The following HERC3 variants were observed in gnomAD, a reference collection of about 807,000 sequenced individuals.
HERC3 encodes the protein HECT and RLD domain containing E3 ubiquitin protein ligase 3, also known as probable E3 ubiquitin-protein ligase HERC3.
Under a neutral mutation model 129.9 loss-of-function variants are expected in HERC3, and 58 were observed. That is an observed-to-expected ratio of 0.45 (90% CI 0.36 to 0.56). The LOEUF (loss-of-function observed/expected upper bound fraction) is 0.56. Among genes scored for constraint, HERC3 ranks in the 20% least tolerant of loss-of-function variants. The probability of loss-of-function intolerance (pLI) is 0.00; values close to 1 mark genes in which losing one functional copy is unlikely to be tolerated. For missense variants in HERC3, 835 were observed against 1,244.2 expected (o/e 0.67, Z 4.95); for synonymous variants, 430 against 451.0 (o/e 0.95, Z 0.59).
At chr4:88,659,410 T>C (rs1730253656) in intron 10 of HERC3, among the ~76,000 whole-genome samples, 1 of 152,264 alleles carries the variant, frequency 6.6e-6, no homozygotes, top group African/African-American at 2.4e-5. Context: ...GTACACAAAG[T>C]ATTTGCCTTC....
At chr4:88,547,662 T>A in the HERC3 span, among the ~76,000 whole-genome samples, 1 of 152,130 alleles carries the variant, frequency 6.6e-6, no homozygotes, top group Non-Finnish European at 1.5e-5. Flanking sequence ...AGTTTTTTGT[T>A]TGTTTGTTTT....
At chr4:88,610,828 C>G (rs1231685961) in intron 3 of HERC3, among the ~76,000 whole-genome samples, 2 of 152,248 alleles carry the variant, frequency 1.3e-5, no homozygotes, top group Middle Eastern at 3.2e-3. Flanking sequence ...AGACATTTCT[C>G]TAGCACAGCC....
chr4:88,674,750 G>A (rs1731980500), intron 16 of HERC3, among the ~76,000 whole-genome samples: 1 of 152,114 alleles, frequency 6.6e-6, no homozygotes, highest in African/African-American at 2.4e-5. Context: ...AGGCATGAGA[G>A]TGAGTAAGAT....
chr4:88,677,406 A>T (rs1205312581), intron 18 of HERC3, among the ~76,000 whole-genome samples: 1 of 152,090 alleles, frequency 6.6e-6, no homozygotes, highest in Non-Finnish European at 1.5e-5. Context: ...ACTTCCTACC[A>T]TTGGTAGATA....
At chr4:88,552,173 T>C in the HERC3 span, among the ~76,000 whole-genome samples, 13 of 151,276 alleles carry the variant, frequency 8.6e-5, no homozygotes, top group Admixed American at 2.6e-4. Flanking sequence ...TTAGGAGATA[T>C]ACCTAAGGCT....
intron 3 of HERC3, among the ~76,000 whole-genome samples, chr4:88,625,416 C>A (rs1725988485): frequency 6.6e-6 from 1 of 152,012 alleles, no homozygotes; most frequent in Admixed American, 6.6e-5. Flanking sequence ...ACACATGTTT[C>A]ATTTTAAATA....
the HERC3 span, among the ~76,000 whole-genome samples, chr4:88,551,986 G>C: frequency 6.6e-6 from 1 of 151,926 alleles, no homozygotes; most frequent in Admixed American, 6.6e-5. Context: ...CCTTTGTAGG[G>C]ACATGGATGA....
At chr4:88,524,226 T>TA in the HERC3 span, among the ~76,000 whole-genome samples, 12 of 152,150 alleles carry the variant, frequency 7.9e-5, 1 homozygote, top group Admixed American at 7.9e-4. Context: ...TCTCTCTCAT[T>TA]AAAAAAAGTG....
the HERC3 span, among the ~76,000 whole-genome samples, chr4:88,568,186 T>G: frequency 6.6e-6 from 1 of 152,216 alleles, no homozygotes; most frequent in East Asian, 1.9e-4. Flanking sequence ...GACATAAAAC[T>G]TCATAGTGTG....
At chr4:88,540,643 G>A in the HERC3 span, among the ~76,000 whole-genome samples, 2 of 152,128 alleles carry the variant, frequency 1.3e-5, no homozygotes, top group African/African-American at 2.4e-5. Context: ...ACACATAATT[G>A]TCAGATTCAC....
At chr4:88,618,421 G>T (rs949365841) in intron 3 of HERC3, among the ~76,000 whole-genome samples, 1 of 152,218 alleles carries the variant, frequency 6.6e-6, no homozygotes, top group Admixed American at 6.5e-5. Flanking sequence ...ATCACAGAGG[G>T]TATAATTCAG....
chr4:88,665,442 A>G (rs1195559326), intron 12 of HERC3, among the ~76,000 whole-genome samples: 6 of 152,196 alleles, frequency 3.9e-5, no homozygotes. Flanking sequence ...AGGGCAGGAG[A>G]AGAAGGATGT....
At chr4:88,532,997 G>T in the HERC3 span, among the ~76,000 whole-genome samples, 1 of 152,182 alleles carries the variant, frequency 6.6e-6, no homozygotes, top group Non-Finnish European at 1.5e-5. Context: ...CCCACAGCAG[G>T]CCATCTGCAA....
chr4:88,668,194 C>T (rs527413133), intron 14 of HERC3, 113 bp downstream of exon 14: 5 of 820,456 alleles, frequency 6.1e-6, no homozygotes, highest in East Asian at 5.2e-5. Flanking sequence ...ATTTAATATC[C>T]TTAACACTTA....
chr4:88,653,282 A>G lies in HERC3; in HGVS notation c.685+192A>G, dbSNP rs76136403. On this transcript the variant is annotated intron_variant, in intron 6 of 25. Transcript: ENST00000402738. ...GAGGTGCAACAAAACCAGTAAATAC[A>G]CAGGATTTGAGAGTGCAGCTTCCTG... Among the ~76,000 whole-genome samples the G allele has an allele frequency of 3.1e-3, 475 of 152,354 alleles. 1 individual carries two copies. Among genetic ancestry groups the G allele is most frequent in the Non-Finnish European group, 5.2e-3 (351 of 68,026 alleles).
In HERC3 at chr4:88,664,171, A is replaced by G; in HGVS notation, c.1290A>G (p.Leu430=). 1 of 1,613,366 alleles carries G rather than the reference A, an allele frequency of 6.2e-7. No individual in the cohort carries two copies. The highest frequency in any genetic ancestry group is 8.5e-7 in the Non-Finnish European group (1 of 1,179,592). Residue 430 remains leucine, a synonymous_variant, in exon 12 of 26, where the codon TTA becomes TTG. Coordinates refer to ENST00000402738, the MANE Select transcript of HERC3 (RefSeq NM_014606.3). ...ANTINGVVQI[L]SSAACWNGSF... is the part of the protein sequence containing the mutation. Reference sequence around the variant, plus strand: ...TGAGCAGTGGTGTTGTTCAGATATTATCTTCTGCAGCCTGTTGGAATGGAA... The same window carrying G: ...TGAGCAGTGGTGTTGTTCAGATATTGTCTTCTGCAGCCTGTTGGAATGGAA...
chr4:88,601,785 G>T lies in HERC3; in HGVS notation c.-29-4010G>T, dbSNP rs1039331800. Among the ~76,000 whole-genome samples the T allele has an allele frequency of 2.1e-5, 3 of 139,862 alleles. 1 individual carries two copies. In the East Asian group the frequency reaches 6.4e-4, roughly 30 times the overall value. 91.8% of individuals were successfully genotyped at this position (139,862 alleles called of 152,430 possible). A position where few individuals can be genotyped will look rare whatever the true frequency, so the allele number is the denominator to read the frequency against. The stretch of plus-strand genomic sequence containing the variant: ...AAAAGGATATTCAGGGGCCGGGCGC[G>T]GTGGCTTACGCCTGTAATCCCAGCA... On this transcript the variant is annotated intron_variant, in intron 2 of 25. Coordinates refer to ENST00000402738, the MANE Select transcript of HERC3 (RefSeq NM_014606.3).
At chr4:88,697,286 C>T in intron 23 of HERC3, 2 of 1,604,320 alleles carry the variant, frequency 1.2e-6, no homozygotes, top group Non-Finnish European at 1.7e-6. Context: ...GCAGCCTCCT[C>T]CTCCTCCTCG....
At chr4:88,608,060 A>G (rs968149451) in intron 3 of HERC3, among the ~76,000 whole-genome samples, 6 of 152,220 alleles carry the variant, frequency 3.9e-5, no homozygotes, top group African/African-American at 1.4e-4. Context: ...TTTGGCATCA[A>G]TACGAATTAA....
Sources: allele counts gnomAD v4.1 joint callset (sites outside exome capture counted in the v4.1 genomes callset), GRCh38; gene constraint gnomAD v4.1.1; transcripts MANE v1.5; gene names NCBI Gene and HGNC (gene_info 2026-07-23, HGNC 2026-07-21).